Variants in ME1 observed in about 807,000 individuals in gnomAD.
ME1 encodes the protein NADP-dependent malic enzyme.
Under a neutral mutation model 66.4 loss-of-function variants are expected in ME1, and 74 were observed. That is an observed-to-expected ratio of 1.11 (90% CI 0.92 to 1.35). The LOEUF (loss-of-function observed/expected upper bound fraction) is 1.35, where lower values mean the gene tolerates loss of function less well. ME1 is among the 40% of genes most tolerant of loss of function. ME1 has a pLI of 0.00. For missense variants in ME1, 750 were observed against 694.1 expected (o/e 1.08, Z -0.90); for synonymous variants, 251 against 235.6 (o/e 1.07, Z -0.60).
At chr6:83,367,058 G>T (rs1769112660) in intron 3 of ME1, among the ~76,000 whole-genome samples, 1 of 152,214 alleles carries the variant, frequency 6.6e-6, no homozygotes, top group Non-Finnish European at 1.5e-5. Context: ...AATGGATGAT[G>T]TTAGCAGTCA....
At chr6:83,330,190 T>C (rs991446775) in intron 5 of ME1, among the ~76,000 whole-genome samples, 3 of 152,230 alleles carry the variant, frequency 2.0e-5, no homozygotes, top group African/African-American at 7.2e-5. Context: ...TCTTCTATAC[T>C]GATGTAACTA....
At chr6:83,364,495 T>C (rs1344313418) in intron 3 of ME1, among the ~76,000 whole-genome samples, 1 of 152,140 alleles carries the variant, frequency 6.6e-6, no homozygotes, top group Non-Finnish European at 1.5e-5. Flanking sequence ...TATCCCAAAC[T>C]CATCTTTTAC....
At position 83,300,610 on chromosome 6, in the gene ME1, C is replaced by CTTTTTT. The variant is rs35205380; in HGVS notation, c.704+14694_704+14699dup. On this transcript the variant is annotated intron_variant, in intron 6 of 13. Coordinates refer to ENST00000369705, the MANE Select transcript of ME1 (RefSeq NM_002395.6). ...TTCTTTTATTTTCCTTTCTTTCTTT[C>CTTTTTT]TTTTTTTTTTTTTTTTTTTTTTTGA... 8.0e-3 allele frequency among the ~76,000 whole-genome samples: 680 copies of CTTTTTT among 84,874 alleles called. 2 individuals are homozygous for CTTTTTT. The highest frequency in any genetic ancestry group is 0.015 in the African/African-American group (313 of 21,514). The allele number at this position is 84,874 out of a possible 152,430, so 55.7% of individuals were successfully genotyped here.
intron 13 of ME1, among the ~76,000 whole-genome samples, chr6:83,213,882 C>G (rs1260193770): frequency 1.3e-5 from 2 of 151,688 alleles, no homozygotes; most frequent in Non-Finnish European, 2.9e-5. Flanking sequence ...AGAAAATAAA[C>G]AAACGAAAGA....
intron 6 of ME1, among the ~76,000 whole-genome samples, chr6:83,310,364 G>A (rs1767907585): frequency 6.6e-6 from 1 of 152,176 alleles, no homozygotes; most frequent in African/African-American, 2.4e-5. Flanking sequence ...GTGCCTGCAG[G>A]CAGCTCAACT....
intron 1 of ME1, among the ~76,000 whole-genome samples, chr6:83,422,754 G>A (rs1207650543): frequency 6.6e-6 from 1 of 152,066 alleles, no homozygotes; most frequent in Non-Finnish European, 1.5e-5. Context: ...AAGCATCAGT[G>A]AACTTAAAGC....
chr6:83,261,730 T>C (rs541647172), intron 6 of ME1, among the ~76,000 whole-genome samples: 37 of 152,050 alleles, frequency 2.4e-4, no homozygotes, highest in South Asian at 2.1e-4. Flanking sequence ...TGAAAAAGCA[T>C]AGGCCGGGCG....
At chr6:83,274,953 A>G (rs116099444) in intron 6 of ME1, among the ~76,000 whole-genome samples, 4,049 of 152,306 alleles carry the variant, frequency 0.027, 185 homozygotes, top group African/African-American at 0.089. Context: ...TGCCCCAGGA[A>G]AGTACAATGA....
chr6:83,252,443 G>A (rs1203930836), intron 7 of ME1, among the ~76,000 whole-genome samples: 2 of 152,098 alleles, frequency 1.3e-5, no homozygotes, highest in South Asian at 2.1e-4. Context: ...GGGACTACAG[G>A]CACACACCAT....
chr6:83,381,417 A>G (rs1184146325), intron 3 of ME1, among the ~76,000 whole-genome samples: 1 of 148,802 alleles, frequency 6.7e-6, no homozygotes, highest in Admixed American at 6.7e-5. Context: ...TTTTTTTGAG[A>G]CGGAGTCTCG....
At chr6:83,283,227 C>CA (rs71545854) in intron 6 of ME1, among the ~76,000 whole-genome samples, 1,270 of 28,770 alleles carry the variant, frequency 0.044, 115 homozygotes, top group Middle Eastern at 0.068. Flanking sequence ...GACTCCGTCT[C>CA]AAAAAAAAAA....
chr6:83,213,997 G>T (rs1180243), intron 13 of ME1, among the ~76,000 whole-genome samples: 76,060 of 151,922 alleles, frequency 0.5, 20,531 homozygotes, highest in African/African-American at 0.72. Flanking sequence ...TAATATGGTA[G>T]TATTACTTTT....
At chr6:83,387,965 A>G (rs1320799588) in intron 3 of ME1, among the ~76,000 whole-genome samples, 1 of 152,172 alleles carries the variant, frequency 6.6e-6, no homozygotes, top group Non-Finnish European at 1.5e-5. Flanking sequence ...TTCCAGATCC[A>G]TATATTTAAT....
At position 83,216,618 on chromosome 6, in the gene ME1, A is replaced by G. The variant is rs755913240; in HGVS notation, c.1450-22T>C. The G allele has an allele frequency of 3.9e-6, 6 of 1,527,136 alleles. No individual in the cohort carries two copies. In the Admixed American group the frequency reaches 1.2e-4, roughly 30 times the overall value. 94.6% of individuals were successfully genotyped at this position (1,527,136 alleles called of 1,614,324 possible). The stretch of plus-strand genomic sequence containing the variant: ...TAACCTTATGAAAAAAAGAAAGAAA[A>G]AAAGTGTTTATACTTCACACGATAC... On this transcript the variant is annotated intron_variant, in intron 12 of 13. Coordinates refer to ENST00000369705, the MANE Select transcript of ME1 (RefSeq NM_002395.6).
chr6:83,243,756 A>T (rs9689690), intron 7 of ME1, among the ~76,000 whole-genome samples: 1 of 131,604 alleles, frequency 7.6e-6, no homozygotes, highest in African/African-American at 3.0e-5. Flanking sequence ...TATATTATAT[A>T]TTATATAATT....
chr6:83,315,526 A>C (rs1768015364), intron 5 of ME1, 113 bp from the exon 6 acceptor site: 1 of 644,506 alleles, frequency 1.6e-6, no homozygotes, highest in East Asian at 2.7e-5. Context: ...ATCTTACCAT[A>C]CTGATTCAGA....
chr6:83,223,476 G>A (rs1277381791), intron 12 of ME1, among the ~76,000 whole-genome samples: 2 of 152,110 alleles, frequency 1.3e-5, no homozygotes, highest in Non-Finnish European at 2.9e-5. Flanking sequence ...ATTTTTAATT[G>A]TCCCATCACT....
At chr6:83,348,099 C>T (rs1488856669) in intron 4 of ME1, among the ~76,000 whole-genome samples, 2 of 152,104 alleles carry the variant, frequency 1.3e-5, no homozygotes, top group Admixed American at 6.5e-5. Context: ...ATCATTTTTG[C>T]ACATTCAATA....
intron 6 of ME1, among the ~76,000 whole-genome samples, chr6:83,263,009 C>A (rs1362368253): frequency 6.6e-6 from 1 of 152,188 alleles, no homozygotes; most frequent in Non-Finnish European, 1.5e-5. Flanking sequence ...TTGAGCAAAT[C>A]TATTGGGACC....
Sources: allele counts gnomAD v4.1 joint callset (sites outside exome capture counted in the v4.1 genomes callset), GRCh38; gene constraint gnomAD v4.1.1; transcripts MANE v1.5; gene names NCBI Gene and HGNC (gene_info 2026-07-23, HGNC 2026-07-21).